IFT43: variants seen among roughly 807,000 people sequenced by gnomAD.
IFT43 encodes the protein intraflagellar transport 43.
A neutral mutation model predicts 32.3 loss-of-function variants in IFT43; 33 were observed. The observed-to-expected ratio is 1.02, with a 90% CI of 0.77 to 1.37. The LOEUF is 1.37. Among genes scored for constraint, IFT43 ranks in the 40% most tolerant of loss-of-function variants. The pLI is 0.00. For synonymous variants in IFT43, 93 were observed against 98.2 expected, an observed-to-expected ratio of 0.95 and a Z score of 0.31; for missense variants, 274 against 265.9, an observed-to-expected ratio of 1.03 and a Z score of -0.21.
chr14:76,065,618 C>CT lies in IFT43; in HGVS notation c.295+6255dup, dbSNP rs112747295. The stretch of plus-strand genomic sequence containing the variant: ...TAAGTATTTACTCTTTTGCACCTGG[C>CT]TTTTTTTTTTCACTCAGTGTAATGA... On this transcript the variant is annotated intron_variant, in intron 5 of 8. Transcript: ENST00000314067. 8.7e-3 allele frequency among the ~76,000 whole-genome samples: 1,274 copies of CT among 146,524 alleles called. 7 individuals are homozygous for CT. The highest frequency in any genetic ancestry group is 0.023 in the African/African-American group (918 of 39,926).
chr14:76,081,883 T>C (rs2140098543), intron 5 of IFT43, among the ~76,000 whole-genome samples: 1 of 152,274 alleles, frequency 6.6e-6, no homozygotes, highest in Non-Finnish European at 1.5e-5. Flanking sequence ...CACTACATGT[T>C]CTCAGTTCCT....
chr14:75,991,857 G>T (rs2035650543), intron 2 of IFT43, among the ~76,000 whole-genome samples: 1 of 152,142 alleles, frequency 6.6e-6, no homozygotes, highest in African/African-American at 2.4e-5. Flanking sequence ...GCTAATTGAG[G>T]TTTAAACAGT....
At chr14:76,073,870 G>A (rs111699860) in intron 5 of IFT43, among the ~76,000 whole-genome samples, 115 of 152,022 alleles carry the variant, frequency 7.6e-4, no homozygotes, top group African/African-American at 2.5e-3. Context: ...CCCTCCCCCC[G>A]TTTCTCATCT....
intron 3 of IFT43, among the ~76,000 whole-genome samples, chr14:76,027,476 G>A (rs1289168525): frequency 2.6e-5 from 4 of 152,056 alleles, no homozygotes; most frequent in South Asian, 2.1e-4. Context: ...TTGGGAGGCC[G>A]AGGCGGGTGG....
chr14:75,997,061 T>G (rs2035760959), intron 2 of IFT43, among the ~76,000 whole-genome samples: 1 of 152,092 alleles, frequency 6.6e-6, no homozygotes. Context: ...AAAAAGGTGG[T>G]CCAGGAAGAA....
chr14:75,986,198 C>T, intron 1 of IFT43: 1 of 1,312,734 alleles, frequency 7.6e-7, no homozygotes, highest in Non-Finnish European at 1.0e-6. Context: ...GGGTCGCACT[C>T]GCTCCCATCC....
intron 3 of IFT43, among the ~76,000 whole-genome samples, chr14:76,034,676 GC>G (rs2036567747): frequency 6.6e-6 from 1 of 152,148 alleles, no homozygotes; most frequent in South Asian, 2.1e-4. Flanking sequence ...GCATAACACT[GC>G]CCAGGATAGA....
At chr14:76,038,776 C>T (rs1188423395) in intron 3 of IFT43, among the ~76,000 whole-genome samples, 1 of 152,154 alleles carries the variant, frequency 6.6e-6, no homozygotes, top group Non-Finnish European at 1.5e-5. Flanking sequence ...TATCTTTAGT[C>T]CTTTCCTATC....
intron 5 of IFT43, among the ~76,000 whole-genome samples, chr14:76,064,473 A>G (rs1329501408): frequency 1.3e-5 from 2 of 152,214 alleles, no homozygotes; most frequent in Non-Finnish European, 2.9e-5. Flanking sequence ...CAAAGTGGGT[A>G]GGCGGTTAAG....
intron 3 of IFT43, among the ~76,000 whole-genome samples, chr14:76,046,819 T>C (rs1040490724): frequency 1.3e-5 from 2 of 152,206 alleles, no homozygotes; most frequent in Non-Finnish European, 1.5e-5. Context: ...CCAGAACCTA[T>C]GAAACTTTGT....
chr14:76,039,302 G>C (rs1227683800), intron 3 of IFT43, among the ~76,000 whole-genome samples: 2 of 152,080 alleles, frequency 1.3e-5, no homozygotes, highest in Non-Finnish European at 2.9e-5. Context: ...GAGACTACAG[G>C]CGTGTGCCAC....
chr14:76,009,438 T>C (rs1271433308), intron 2 of IFT43, among the ~76,000 whole-genome samples: 1 of 152,050 alleles, frequency 6.6e-6, no homozygotes, highest in African/African-American at 2.4e-5. Context: ...TAATGTATTA[T>C]TTCTAATTAC....
At chr14:76,081,115 C>T (rs1359416339) in intron 5 of IFT43, among the ~76,000 whole-genome samples, 3 of 152,206 alleles carry the variant, frequency 2.0e-5, no homozygotes, top group Non-Finnish European at 2.9e-5. Context: ...ATAAAGACAC[C>T]AGGCTTGGAA....
chr14:76,078,053 A>G (rs1441050301), intron 5 of IFT43, among the ~76,000 whole-genome samples: 1 of 152,258 alleles, frequency 6.6e-6, no homozygotes, highest in Non-Finnish European at 1.5e-5. Flanking sequence ...AGTAAAATAC[A>G]TCTATATGTT....
chr14:76,038,455 T>C lies in IFT43; in HGVS notation c.215+16061T>C, dbSNP rs191331132. ...TTAGGACCATGTGACATCATATCTT[T>C]TTAATGTACATCTTAGATTTGTTTA... On this transcript the variant is annotated intron_variant, in intron 3 of 8. Transcript: ENST00000314067. Among the ~76,000 whole-genome samples, 81 of 152,332 alleles carry C rather than the reference T, an allele frequency of 5.3e-4. No individual in the cohort carries two copies. The East Asian group carries it at 0.014, about 26-fold the overall frequency.
intron 5 of IFT43, among the ~76,000 whole-genome samples, chr14:76,062,102 ACT>A (rs1566731031): frequency 2.7e-5 from 4 of 146,972 alleles, no homozygotes; most frequent in Admixed American, 6.8e-5. Context: ...ACAGAGTCTC[ACT>A]CTGTTTCCTA....
chr14:76,059,801 G>A (rs146977363), intron 5 of IFT43, among the ~76,000 whole-genome samples: 16 of 152,252 alleles, frequency 1.1e-4, no homozygotes, highest in East Asian at 3.9e-4. Flanking sequence ...CCACAACCCC[G>A]TAGTACTACT....
intron 2 of IFT43, among the ~76,000 whole-genome samples, chr14:76,007,588 G>A (rs775585301): frequency 6.6e-6 from 1 of 152,180 alleles, no homozygotes; most frequent in Non-Finnish European, 1.5e-5. Flanking sequence ...CATGTGCCAG[G>A]AGGGGTTGCT....
intron 2 of IFT43, among the ~76,000 whole-genome samples, chr14:76,012,780 A>C (rs576551421): frequency 6.6e-6 from 1 of 152,264 alleles, no homozygotes; most frequent in East Asian, 1.9e-4. Context: ...TTTTTTTAAA[A>C]CAAGTTTAGG....
Sources: gnomAD v4.1 joint callset for allele counts (sites outside exome capture counted in the v4.1 genomes callset) on GRCh38, gnomAD v4.1.1 for gene constraint, MANE v1.5 for transcripts, NCBI Gene and HGNC (gene_info 2026-07-23, HGNC 2026-07-21) for gene names.